Variants in MTUS2 observed in about 807,000 individuals in gnomAD.
The protein encoded by MTUS2 is microtubule-associated tumor suppressor candidate 2.
MTUS2 carries 40 observed loss-of-function variants against 114.1 expected under a neutral mutation model. The ratio of observed to expected loss-of-function variants is 0.35; its 90% confidence interval spans 0.27 to 0.46. MTUS2 has a LOEUF of 0.46. Among genes scored for constraint, MTUS2 ranks in the 20% least tolerant of loss-of-function variants. The pLI, the probability that MTUS2 is intolerant of heterozygous loss-of-function variation, is 1.00. For synonymous variants in MTUS2, 688 were observed against 672.0 expected, an observed-to-expected ratio of 1.02 and a Z score of -0.37; for missense variants, 1,679 against 1,705.4, an observed-to-expected ratio of 0.98 and a Z score of 0.27.
chr13:29,147,443 CT>C (rs1892484143), intron 5 of MTUS2, among the ~76,000 whole-genome samples: 1 of 152,004 alleles, frequency 6.6e-6, no homozygotes, highest in Admixed American at 6.5e-5. Context: ...AAAATTTTAG[CT>C]TTACTTTTAG....
intron 5 of MTUS2, among the ~76,000 whole-genome samples, chr13:29,109,302 A>G (rs897048017): frequency 6.6e-6 from 1 of 151,894 alleles, no homozygotes. Flanking sequence ...TTCTGTGTAT[A>G]TGTGTGTGTG....
chr13:29,435,023 A>C (rs1877303018), intron 8 of MTUS2, among the ~76,000 whole-genome samples: 1 of 152,228 alleles, frequency 6.6e-6, no homozygotes, highest in Non-Finnish European at 1.5e-5. Context: ...GTTTCATAGG[A>C]GTAGCTTGTC....
intron 2 of MTUS2, among the ~76,000 whole-genome samples, chr13:28,973,093 A>G (rs1190692717): frequency 6.6e-6 from 1 of 152,186 alleles, no homozygotes; most frequent in Non-Finnish European, 1.5e-5. Context: ...AATCCCTAGC[A>G]TTATTTTTTG....
At chr13:29,293,482 G>A (rs575371401) in intron 6 of MTUS2, among the ~76,000 whole-genome samples, 3 of 152,204 alleles carry the variant, frequency 2.0e-5, no homozygotes, top group Non-Finnish European at 2.9e-5. Flanking sequence ...AAACACTCTT[G>A]TAGTGTTAGT....
At chr13:29,097,670 G>T (rs34980066) in intron 4 of MTUS2, among the ~76,000 whole-genome samples, 99 of 152,272 alleles carry the variant, frequency 6.5e-4, no homozygotes, top group Non-Finnish European at 1.2e-3. Flanking sequence ...GATCAGGGTT[G>T]CAGACCACCA....
chr13:29,270,730 C>T (rs1897852952), intron 5 of MTUS2, among the ~76,000 whole-genome samples: 1 of 152,232 alleles, frequency 6.6e-6, no homozygotes, highest in South Asian at 2.1e-4. Context: ...CTCAGCATCA[C>T]AAGGCCCTTT....
At chr13:29,000,879 C>T (rs1885354551) in intron 2 of MTUS2, among the ~76,000 whole-genome samples, 1 of 152,170 alleles carries the variant, frequency 6.6e-6, no homozygotes, top group Non-Finnish European at 1.5e-5. Flanking sequence ...CTTCTCCTTC[C>T]TTCTACGCAG....
intron 2 of MTUS2, among the ~76,000 whole-genome samples, chr13:29,019,729 G>C (rs1886216355): frequency 6.6e-6 from 1 of 152,234 alleles, no homozygotes; most frequent in Non-Finnish European, 1.5e-5. Context: ...AAGTAGAAGA[G>C]AATGGAAGGC....
At chr13:29,331,882 AC>A (rs1213072258) in intron 7 of MTUS2, among the ~76,000 whole-genome samples, 8 of 152,138 alleles carry the variant, frequency 5.3e-5, no homozygotes, top group African/African-American at 1.7e-4. Flanking sequence ...CATATGTTGA[AC>A]CAGCTTTGCA....
intron 2 of MTUS2, among the ~76,000 whole-genome samples, chr13:28,898,200 T>C (rs73437245): frequency 0.023 from 3,519 of 152,180 alleles, 133 homozygotes; most frequent in African/African-American, 0.079. Context: ...GTATTTGTAG[T>C]CCATGACAGA....
intron 5 of MTUS2, among the ~76,000 whole-genome samples, chr13:29,219,469 G>A (rs1343926101): frequency 1.3e-5 from 2 of 152,008 alleles, no homozygotes; most frequent in East Asian, 1.9e-4. Context: ...ATGATTTATA[G>A]TCCTTTGGGT....
intron 6 of MTUS2, among the ~76,000 whole-genome samples, chr13:29,312,349 G>T (rs1313110312): frequency 1.3e-5 from 2 of 152,116 alleles, no homozygotes; most frequent in Non-Finnish European, 2.9e-5. Context: ...ATAAATATAT[G>T]ATAAATGAAT....
At chr13:29,085,025 G>A (rs35158367) in intron 4 of MTUS2, among the ~76,000 whole-genome samples, 22,260 of 152,156 alleles carry the variant, frequency 0.15, 1,846 homozygotes, top group East Asian at 0.3. Flanking sequence ...TTGGTGATGA[G>A]TGAATTCTTG....
intron 3 of MTUS2, among the ~76,000 whole-genome samples, chr13:29,029,998 A>T (rs902005034): frequency 2.0e-5 from 3 of 152,214 alleles, no homozygotes; most frequent in Non-Finnish European, 4.4e-5. Flanking sequence ...GCCAGAGCCT[A>T]GATTTTTCTC....
chr13:29,231,158 A>C (rs1386265877), intron 5 of MTUS2, among the ~76,000 whole-genome samples: 18 of 152,302 alleles, frequency 1.2e-4, no homozygotes, highest in Non-Finnish European at 2.5e-4. Flanking sequence ...CTGGTGAATG[A>C]TTCAATGAAC....
intron 2 of MTUS2, among the ~76,000 whole-genome samples, chr13:28,945,312 AT>A (rs1455253992): frequency 6.6e-6 from 1 of 150,948 alleles, no homozygotes; most frequent in Non-Finnish European, 1.5e-5. Context: ...CGATATAATG[AT>A]TTTTTTTTCC....
intron 5 of MTUS2, among the ~76,000 whole-genome samples, chr13:29,131,137 A>T (rs900078002): frequency 2.0e-5 from 3 of 152,240 alleles, no homozygotes; most frequent in Non-Finnish European, 2.9e-5. Flanking sequence ...CCTTGTGTCT[A>T]TCATGGGGAT....
At chr13:29,105,502 T>C (rs902804287) in intron 5 of MTUS2, among the ~76,000 whole-genome samples, 5 of 152,170 alleles carry the variant, frequency 3.3e-5, no homozygotes, top group Admixed American at 3.3e-4. Context: ...AAGAATATGA[T>C]ATTTGCAGCT....
intron 4 of MTUS2, among the ~76,000 whole-genome samples, chr13:29,097,332 C>T (rs1325408410): frequency 6.6e-6 from 1 of 152,150 alleles, no homozygotes; most frequent in East Asian, 1.9e-4. Flanking sequence ...TGTTATTTTA[C>T]CAGTTATGTT....
Sources: allele counts gnomAD v4.1 joint callset (sites outside exome capture counted in the v4.1 genomes callset), GRCh38; gene constraint gnomAD v4.1.1; transcripts MANE v1.5; gene names NCBI Gene and HGNC (gene_info 2026-07-23, HGNC 2026-07-21).